The following LAPTM4B variants were observed in gnomAD, a reference collection of about 807,000 sequenced individuals.
The protein encoded by LAPTM4B is lysosomal-associated transmembrane protein 4B.
In LAPTM4B, 26 loss-of-function variants were observed where a neutral mutation model predicts 28.5. The observed-to-expected ratio is 0.91, with a 90% CI of 0.67 to 1.27. The LOEUF is 1.27. Ranked by LOEUF, LAPTM4B falls within the 50% of genes most tolerant of loss-of-function variation. The probability of loss-of-function intolerance (pLI) is 0.00; values close to 1 mark genes in which losing one functional copy is unlikely to be tolerated. For missense variants in LAPTM4B, 288 were observed against 285.8 expected (o/e 1.01, Z -0.06); for synonymous variants, 109 against 106.4 (o/e 1.02, Z -0.15).
intron 1 of LAPTM4B, among the ~76,000 whole-genome samples, chr8:97,798,595 G>T (rs896630138): frequency 6.6e-6 from 1 of 152,020 alleles, no homozygotes; most frequent in Non-Finnish European, 1.5e-5. Context: ...GAGGTAGAGT[G>T]GGTGATAATA....
At chr8:97,834,555 GTGTGTGTGTGTGTTTA>G (rs974396333) in intron 6 of LAPTM4B, among the ~76,000 whole-genome samples, 1 of 152,122 alleles carries the variant, frequency 6.6e-6, no homozygotes, top group South Asian at 2.1e-4. Flanking sequence ...GGTTGTGTGT[GTGTGTGTGTGTGTTTA>G]TGTGTGTGTG....
At chr8:97,846,428 A>G (rs1393335257) in intron 6 of LAPTM4B, among the ~76,000 whole-genome samples, 1 of 151,976 alleles carries the variant, frequency 6.6e-6, no homozygotes, top group South Asian at 2.1e-4. Flanking sequence ...CCCGGGTTCA[A>G]GCAATCCTAC....
chr8:97,781,967 C>A (rs1048685607), intron 1 of LAPTM4B, among the ~76,000 whole-genome samples: 3 of 141,976 alleles, frequency 2.1e-5, no homozygotes, highest in African/African-American at 8.1e-5. Flanking sequence ...CATTCTTGCA[C>A]AAGACTTTGG....
At position 97,775,928 on chromosome 8, in the gene LAPTM4B, G is replaced by C. The variant is rs1816199202; in HGVS notation, c.-82G>C. ...AGCCGGAGCGGCGGAGGAGCCGGCA[G>C]CAGCGGCGCGGCGGGCTCCAGGCGA... On this transcript the variant is annotated 5_prime_UTR_variant, in exon 1 of 7. Coordinates refer to ENST00000521545, the MANE Select transcript of LAPTM4B (RefSeq NM_018407.6). The C allele has an allele frequency of 8.5e-7, 1 of 1,170,368 alleles. No homozygotes were observed. Among genetic ancestry groups the C allele is most frequent in the Non-Finnish European group, 1.1e-6 (1 of 871,062 alleles). 72.5% of individuals were successfully genotyped at this position (1,170,368 alleles called of 1,614,324 possible).
chr8:97,841,861 T>C (rs1375865021), intron 6 of LAPTM4B, among the ~76,000 whole-genome samples: 1 of 152,156 alleles, frequency 6.6e-6, no homozygotes, highest in African/African-American at 2.4e-5. Flanking sequence ...TTATAGGTGA[T>C]TGGGGGTTTT....
Position 97,775,967 on chromosome 8 carries a change from C to T in LAPTM4B, c.-43C>T, listed in dbSNP as rs751227742. 7.1e-6 allele frequency: 11 copies of T among 1,546,532 alleles called. No homozygotes were observed. In the South Asian group the frequency reaches 9.5e-5, roughly 13 times the overall value. On this transcript the variant is annotated 5_prime_UTR_variant, in exon 1 of 7. Coordinates refer to ENST00000521545, the MANE Select transcript of LAPTM4B (RefSeq NM_018407.6). ...GGCTCCAGGCGAGGCGGTCGACGCT[C>T]CTGAAAACTTGCGCGCGCGCTCGCG...
intron 6 of LAPTM4B, among the ~76,000 whole-genome samples, chr8:97,850,339 A>T (rs1045711380): frequency 6.6e-6 from 1 of 151,688 alleles, no homozygotes; most frequent in Non-Finnish European, 1.5e-5. Context: ...CTCCGCAAAC[A>T]TCTGAGTTCC....
chr8:97,815,354 C>T lies in LAPTM4B; in HGVS notation c.238C>T (p.Leu80Phe). 1 of 1,614,060 alleles carries T rather than the reference C, an allele frequency of 6.2e-7. No individual in the cohort carries two copies. Among genetic ancestry groups the T allele is most frequent in the Non-Finnish European group, 8.5e-7 (1 of 1,179,970 alleles). The change falls in exon 3 of 7, where the codon CTT becomes TTT. Residue 80 changes from leucine (L) to phenylalanine (F), a missense_variant. By Grantham distance (22) the Leu-to-Phe change is conservative. Coordinates refer to ENST00000521545, the MANE Select transcript of LAPTM4B (RefSeq NM_018407.6). ...CATGTGCATTGCCATTGCGATTTCT[C>T]TTCTCATGATCCTGATATGTGCTAT... ...ANMCIAIAISLLMILICAMAT... is the reference protein window; with the variant it reads ...ANMCIAIAISFLMILICAMAT...
intron 5 of LAPTM4B, 62 bp downstream of exon 5, chr8:97,819,300 A>C: frequency 9.8e-7 from 1 of 1,019,264 alleles, no homozygotes; most frequent in Non-Finnish European, 1.5e-6. Flanking sequence ...ATACCAAATA[A>C]GTAAACAAAC....
chr8:97,800,572 C>T (rs1450729566), intron 1 of LAPTM4B, among the ~76,000 whole-genome samples: 2 of 146,946 alleles, frequency 1.4e-5, no homozygotes, highest in African/African-American at 5.2e-5. Flanking sequence ...TCTCGGCTCA[C>T]GGTAACCTCC....
At chr8:97,837,733 GA>G (rs1464166953) in intron 6 of LAPTM4B, among the ~76,000 whole-genome samples, 2 of 152,156 alleles carry the variant, frequency 1.3e-5, no homozygotes, top group African/African-American at 4.8e-5. Context: ...CTGCGTAAAT[GA>G]ACCAGAGGGC....
intron 1 of LAPTM4B, among the ~76,000 whole-genome samples, chr8:97,789,642 C>T (rs558372285): frequency 2.6e-5 from 4 of 151,708 alleles, no homozygotes; most frequent in South Asian, 2.1e-4. Flanking sequence ...ATTCTTCTCC[C>T]GAGTAGCTGG....
rs139710611 is a variant in LAPTM4B at position 97,850,378 on chromosome 8, C to T, written c.604-1019C>T. Among the ~76,000 whole-genome samples the T allele has an allele frequency of 5.5e-3, 838 of 151,292 alleles. 29 individuals carry two copies. The highest frequency in any genetic ancestry group is 0.019 in the African/African-American group (795 of 40,836). On this transcript the variant is annotated intron_variant, in intron 6 of 6. Coordinates refer to ENST00000521545, the MANE Select transcript of LAPTM4B (RefSeq NM_018407.6). The stretch of plus-strand genomic sequence containing the variant: ...TGTCGGATAGGCACTGGCCCACCCT[C>T]GAGGAAGTGAGACCTGGCTTCAGCC...
chr8:97,846,926 TC>T (rs1817442014), intron 6 of LAPTM4B, among the ~76,000 whole-genome samples: 1 of 152,214 alleles, frequency 6.6e-6, no homozygotes, highest in Admixed American at 6.5e-5. Flanking sequence ...TTCTAGGATG[TC>T]AGATTTTGCA....
chr8:97,827,805 A>G (rs1418492253), intron 6 of LAPTM4B, among the ~76,000 whole-genome samples: 1 of 152,210 alleles, frequency 6.6e-6, no homozygotes, highest in African/African-American at 2.4e-5. Flanking sequence ...AGCTAGTTTT[A>G]TAGGTTAGGG....
intron 1 of LAPTM4B, among the ~76,000 whole-genome samples, chr8:97,783,072 C>CTT (rs10605324): frequency 0.041 from 5,196 of 127,700 alleles, 260 homozygotes; most frequent in Non-Finnish European, 0.057. Flanking sequence ...CGCGCCCGGC[C>CTT]TTTTTTTTTT....
At chr8:97,843,184 C>T (rs1282128801) in intron 6 of LAPTM4B, among the ~76,000 whole-genome samples, 6 of 152,296 alleles carry the variant, frequency 3.9e-5, no homozygotes, top group Non-Finnish European at 7.3e-5. Context: ...CCCGCCCTTA[C>T]GTAATATCTG....
intron 1 of LAPTM4B, among the ~76,000 whole-genome samples, chr8:97,787,205 A>G (rs895016990): frequency 6.6e-6 from 1 of 151,990 alleles, no homozygotes; most frequent in Non-Finnish European, 1.5e-5. Context: ...TGGAAAATGC[A>G]CACATCACTT....
chr8:97,836,599 G>C (rs553816817), intron 6 of LAPTM4B, among the ~76,000 whole-genome samples: 1 of 152,142 alleles, frequency 6.6e-6, no homozygotes, highest in East Asian at 1.9e-4. Context: ...TAGGGAACCT[G>C]ATTCCTCTGG....
Sources: gnomAD v4.1 joint callset for allele counts (sites outside exome capture counted in the v4.1 genomes callset) on GRCh38, gnomAD v4.1.1 for gene constraint, MANE v1.5 for transcripts, NCBI Gene and HGNC (gene_info 2026-07-23, HGNC 2026-07-21) for gene names.